Variants in UBL3 observed in about 807,000 individuals in gnomAD.
UBL3 encodes the protein ubiquitin like 3.
Under a neutral mutation model 18.4 loss-of-function variants are expected in UBL3, and 6 were observed. The ratio of observed to expected loss-of-function variants is 0.33; its 90% CI spans 0.18 to 0.64. The LOEUF (loss-of-function observed/expected upper bound fraction) is 0.64, where lower values mean the gene tolerates loss of function less well. Ranked by LOEUF, UBL3 falls within the 30% of genes least tolerant of loss-of-function variation. The pLI is 0.76. For missense variants in UBL3, 109 were observed against 142.9 expected, an observed-to-expected ratio of 0.76 and a Z score of 1.21; for synonymous variants, 49 against 46.6, an observed-to-expected ratio of 1.05 and a Z score of -0.21.
rs1876671667 is a variant in UBL3, at chr13:29,766,112, T to C, written c.*1143A>G. On this transcript the variant is annotated 3_prime_UTR_variant, in exon 5 of 5. Coordinates refer to ENST00000380680, the MANE Select transcript of UBL3 (RefSeq NM_007106.4). ...TCTTTCATATTTTTACAGGTTTAGA[T>C]GAAAGTAGCTCATGCTTTAGTGCTG... 6.6e-6 allele frequency: 1 copy of C among 152,592 alleles called. No homozygotes were observed. The highest frequency in any genetic ancestry group is 1.9e-4 in the East Asian group (1 of 5,204). 9.5% of individuals were successfully genotyped at this position (152,592 alleles called of 1,614,324 possible).
intron 1 of UBL3, among the ~76,000 whole-genome samples, chr13:29,837,203 A>G (rs1423689438): frequency 6.6e-6 from 1 of 152,242 alleles, no homozygotes. Flanking sequence ...CAGGCACCCA[A>G]GGAAAAAGGA....
chr13:29,841,469 A>C (rs1879097160), intron 1 of UBL3, among the ~76,000 whole-genome samples: 1 of 152,222 alleles, frequency 6.6e-6, no homozygotes, highest in South Asian at 2.1e-4. Flanking sequence ...ACAAGTTTAA[A>C]GGAAACTCCC....
chr13:29,811,287 C>G (rs1276225316), intron 1 of UBL3, among the ~76,000 whole-genome samples: 3 of 152,062 alleles, frequency 2.0e-5, no homozygotes, highest in African/African-American at 7.2e-5. Flanking sequence ...TTATTTTAAT[C>G]TACTAAGTGT....
Position 29,767,297 on chromosome 13 carries a change from A to G in UBL3, c.312T>C (p.Asn104=). The G allele has an allele frequency of 6.2e-7, 1 of 1,613,230 alleles. No homozygotes were observed. The stretch of plus-strand genomic sequence containing the variant: ...AATTACTCTCTCCAGTCTTCTCACG[A>G]TTCCTCTGACCTAGGGAAAACGAAG... ...LPEPNSQGQR[N]REKTGESNCC... is the part of the protein sequence containing the mutation. The change falls in exon 5 of 5, where the codon AAT becomes AAC. Residue 104 remains asparagine (N), a synonymous_variant. Transcript: ENST00000380680.
At chr13:29,776,421 C>T (rs1876994160) in intron 2 of UBL3, among the ~76,000 whole-genome samples, 1 of 151,528 alleles carries the variant, frequency 6.6e-6, no homozygotes, top group Non-Finnish European at 1.5e-5. Context: ...TGCTACCATG[C>T]CTGGCTAATT....
At position 29,823,382 on chromosome 13, in the gene UBL3, C is replaced by A. The variant is rs1878525638; in HGVS notation, c.27+26130G>T. 4.6e-5 allele frequency among the ~76,000 whole-genome samples: 7 copies of A among 152,172 alleles called. No homozygotes were observed. The South Asian group carries it at 1.4e-3, about 32-fold the overall frequency. The stretch of plus-strand genomic sequence containing the variant: ...TCTCCAACTCCCGACCTCAGGTGAT[C>A]CGCCCGCCTTCGGCCTCCCAAACTG... On this transcript the variant is annotated intron_variant, in intron 1 of 4. Transcript: ENST00000380680.
chr13:29,780,140 A>G (rs4389001), intron 1 of UBL3, among the ~76,000 whole-genome samples: 147,244 of 151,676 alleles, frequency 0.97, 71,538 homozygotes, highest in Non-Finnish European at 1. Flanking sequence ...GGATCACAAG[A>G]TCAGGAGATC....
At chr13:29,843,020 T>C (rs995901802) in intron 1 of UBL3, among the ~76,000 whole-genome samples, 6 of 152,284 alleles carry the variant, frequency 3.9e-5, no homozygotes, top group Non-Finnish European at 7.4e-5. Flanking sequence ...CAACTGTAAA[T>C]GGTTAGGAAT....
chr13:29,780,367 A>AAAAAAAAAAAAAAATATAT (rs1359464345), intron 1 of UBL3, among the ~76,000 whole-genome samples: 1 of 103,340 alleles, frequency 9.7e-6, no homozygotes, highest in African/African-American at 4.0e-5. Flanking sequence ...AAAAAAAAAA[A>AAAAAAAAAAAAAAATATAT]ATATATATAT....
At position 29,765,957 on chromosome 13, in the gene UBL3, G is replaced by A. The variant is rs4769773; in HGVS notation, c.*1298C>T. The A allele has an allele frequency of 0.97, 148,128 of 152,618 alleles. 71,951 individuals are homozygous for A. Among genetic ancestry groups the A allele is most frequent in the Non-Finnish European group, 1 (67,892 of 68,004 alleles). 9.5% of individuals were successfully genotyped at this position (152,618 alleles called of 1,614,324 possible). A position where few individuals can be genotyped will look rare whatever the true frequency, so the allele number is the denominator to read the frequency against. On this transcript the variant is annotated 3_prime_UTR_variant, in exon 5 of 5. Coordinates refer to ENST00000380680, the MANE Select transcript of UBL3 (RefSeq NM_007106.4). ...ACTTATTTATATGGAATATTGTTCT[G>A]TATACTACGCGCCAATCTATATTTT... is the stretch of plus-strand genomic sequence containing the variant.
At chr13:29,796,446 T>A (rs1298466452) in intron 1 of UBL3, among the ~76,000 whole-genome samples, 3 of 152,182 alleles carry the variant, frequency 2.0e-5, no homozygotes, top group Non-Finnish European at 4.4e-5. Context: ...TTCCACTAAC[T>A]GCTGGTGAAT....
intron 1 of UBL3, among the ~76,000 whole-genome samples, chr13:29,822,015 C>T (rs76063607): frequency 4.6e-4 from 70 of 152,244 alleles, no homozygotes; most frequent in African/African-American, 1.5e-3. Context: ...TGTTGATGTT[C>T]TTAATTCTGA....
chr13:29,814,117 T>C (rs1228782693), intron 1 of UBL3, among the ~76,000 whole-genome samples: 1 of 152,148 alleles, frequency 6.6e-6, no homozygotes, highest in African/African-American at 2.4e-5. Context: ...TAGGTCTAAT[T>C]TAGAATCTTT....
At chr13:29,835,138 ATATATATAT>A (rs1566001096) in intron 1 of UBL3, among the ~76,000 whole-genome samples, 11 of 9,484 alleles carry the variant, frequency 1.2e-3, no homozygotes, top group Non-Finnish European at 1.7e-3. Context: ...ATATATATAT[ATATATATAT>A]ATATATATAT....
chr13:29,841,885 C>G (rs1337181916), intron 1 of UBL3, among the ~76,000 whole-genome samples: 1 of 152,188 alleles, frequency 6.6e-6, no homozygotes, highest in Admixed American at 6.5e-5. Context: ...AGAAGACCAA[C>G]AGGTAAAAAG....
At chr13:29,806,443 C>T (rs1207055144) in intron 1 of UBL3, among the ~76,000 whole-genome samples, 2 of 152,088 alleles carry the variant, frequency 1.3e-5, no homozygotes, top group Non-Finnish European at 2.9e-5. Flanking sequence ...CATTAATTTA[C>T]AGGAGCTGCT....
chr13:29,800,067 T>G (rs1031106569), intron 1 of UBL3, among the ~76,000 whole-genome samples: 3 of 152,232 alleles, frequency 2.0e-5, no homozygotes, highest in African/African-American at 7.2e-5. Flanking sequence ...TCCAAAGGTT[T>G]CAAAAGTTTA....
At chr13:29,776,350 A>G (rs567371175) in intron 2 of UBL3, among the ~76,000 whole-genome samples, 2 of 141,454 alleles carry the variant, frequency 1.4e-5, no homozygotes, top group Admixed American at 1.5e-4. Context: ...GCAGCCTCAA[A>G]TTCCTGGCCT....
intron 1 of UBL3, among the ~76,000 whole-genome samples, chr13:29,813,345 T>C (rs1878163508): frequency 6.6e-6 from 1 of 152,058 alleles, no homozygotes; most frequent in Non-Finnish European, 1.5e-5. Context: ...AAATTATTTT[T>C]CTTCTTGAAA....
Sources: allele counts gnomAD v4.1 joint callset (sites outside exome capture counted in the v4.1 genomes callset), GRCh38; gene constraint gnomAD v4.1.1; transcripts MANE v1.5; gene names NCBI Gene and HGNC (gene_info 2026-07-23, HGNC 2026-07-21).